PRKN: variants seen among roughly 807,000 people sequenced by gnomAD.
The protein encoded by PRKN is parkin RBR E3 ubiquitin protein ligase, also known as E3 ubiquitin-protein ligase parkin.
A neutral mutation model predicts 59.5 loss-of-function variants in PRKN; 56 were observed. That is an observed-to-expected ratio of 0.94 (90% confidence interval 0.76 to 1.18). PRKN has a LOEUF of 1.18. PRKN is among the 50% of genes most tolerant of loss of function. The pLI is 0.00. For missense variants in PRKN, 657 were observed against 596.4 expected (o/e 1.10, Z -1.06); for synonymous variants, 250 against 222.1 (o/e 1.13, Z -1.12).
chr6:162,380,397 C>CTATA (rs5881472), intron 2 of PRKN, among the ~76,000 whole-genome samples: 1 of 134,546 alleles, frequency 7.4e-6, no homozygotes, highest in Non-Finnish European at 1.6e-5. Flanking sequence ...TAGTTTAAAG[C>CTATA]TATATATATA....
chr6:161,370,311 A>G (rs564838325), intron 10 of PRKN, among the ~76,000 whole-genome samples: 2 of 151,486 alleles, frequency 1.3e-5, no homozygotes, highest in African/African-American at 4.8e-5. Flanking sequence ...TAGGCTGGGC[A>G]CGGTGGCTCA....
At position 161,550,044 on chromosome 6, in the gene PRKN, T is replaced by C. The variant is rs10945755; in HGVS notation, c.934-1041A>G. ...TACAGAATGCCTTACAAAGCAGGTG[T>C]CTTTAAGCAAATGTCTGAAGGAGAT... On this transcript the variant is annotated intron_variant, in intron 8 of 11. Transcript: ENST00000366898. The surrounding 1 kb of genome is among the most constrained non-coding windows in gnomAD (Gnocchi z 4.0). 0.24 allele frequency among the ~76,000 whole-genome samples: 36,149 copies of C among 152,042 alleles called. 4,537 individuals carry two copies. Among genetic ancestry groups the C allele is most frequent in the East Asian group, 0.48 (2,492 of 5,156 alleles).
At chr6:162,050,567 G>C (rs908188272) in intron 5 of PRKN, among the ~76,000 whole-genome samples, 3 of 151,916 alleles carry the variant, frequency 2.0e-5, no homozygotes, top group Admixed American at 6.6e-5. Context: ...CTAACTTTGA[G>C]GGTTTAATGT....
At chr6:161,696,653 A>G (rs1786035001) in intron 7 of PRKN, among the ~76,000 whole-genome samples, 1 of 152,090 alleles carries the variant, frequency 6.6e-6, no homozygotes, top group Admixed American at 6.6e-5. Context: ...ATGTAGATCT[A>G]GACATATATA....
intron 4 of PRKN, among the ~76,000 whole-genome samples, chr6:162,098,450 G>A (rs1348311768): frequency 1.3e-5 from 2 of 152,272 alleles, no homozygotes; most frequent in East Asian, 3.9e-4. Context: ...CCGTTGGGAT[G>A]CATCAACTGA....
intron 3 of PRKN, among the ~76,000 whole-genome samples, chr6:162,251,811 T>C (rs1279806016): frequency 4.6e-5 from 7 of 152,324 alleles, no homozygotes. Flanking sequence ...TTAAATAATA[T>C]TCTCAACATC....
intron 7 of PRKN, among the ~76,000 whole-genome samples, chr6:161,703,752 A>C (rs1343112985): frequency 6.8e-6 from 1 of 147,830 alleles, no homozygotes; most frequent in Non-Finnish European, 1.5e-5. Context: ...CTAAAGTCCT[A>C]TTTACATAAT....
intron 9 of PRKN, among the ~76,000 whole-genome samples, chr6:161,431,676 G>A (rs952201737): frequency 5.9e-5 from 9 of 151,340 alleles, no homozygotes; most frequent in Non-Finnish European, 7.4e-5. Context: ...GCAATGGCGC[G>A]ATCTTGGCTC....
chr6:161,864,987 C>T (rs141055400), intron 6 of PRKN, among the ~76,000 whole-genome samples: 2 of 152,154 alleles, frequency 1.3e-5, no homozygotes, highest in African/African-American at 2.4e-5. Flanking sequence ...TGCCCAGATC[C>T]GTCAGAGGAA....
Position 161,551,610 on chromosome 6 carries a change from A to C in PRKN, c.934-2607T>G, listed in dbSNP as rs1036013111. 6.6e-6 allele frequency among the ~76,000 whole-genome samples: 1 copy of C among 152,106 alleles called. No homozygotes were observed. Among genetic ancestry groups the C allele is most frequent in the Non-Finnish European group, 1.5e-5 (1 of 68,014 alleles). On this transcript the variant is annotated intron_variant, in intron 8 of 11. Transcript: ENST00000366898. This position sits in a 1 kb window ranked among gnomAD's most constrained non-coding sequence, Gnocchi z 5.2. ...GCTGCCATTGCGGTCTTGAAAAGTC[A>C]TTTCAGTGGAGTCATGGAGCCAAAA... is the stretch of plus-strand genomic sequence containing the variant.
intron 2 of PRKN, among the ~76,000 whole-genome samples, chr6:162,327,301 A>G (rs1325348950): frequency 6.6e-6 from 1 of 152,182 alleles, no homozygotes; most frequent in Admixed American, 6.5e-5. Flanking sequence ...TTAATCCTGC[A>G]GCATAAGTTC....
chr6:162,282,436 C>T (rs1355272054), intron 2 of PRKN, among the ~76,000 whole-genome samples: 1 of 152,078 alleles, frequency 6.6e-6, no homozygotes, highest in Non-Finnish European at 1.5e-5. Flanking sequence ...AATAAAAGTG[C>T]TTATGATAAA....
At chr6:162,400,659 G>A (rs551595324) in intron 2 of PRKN, among the ~76,000 whole-genome samples, 37 of 152,166 alleles carry the variant, frequency 2.4e-4, no homozygotes, top group South Asian at 2.1e-3. Context: ...AGTGCACTTT[G>A]TCCTGACTGT....
At chr6:162,498,322 A>G (rs1026546916) in intron 1 of PRKN, among the ~76,000 whole-genome samples, 14 of 144,684 alleles carry the variant, frequency 9.7e-5, no homozygotes, top group African/African-American at 3.6e-4. Context: ...CACAGGCAAC[A>G]CTCAACATTT....
intron 4 of PRKN, among the ~76,000 whole-genome samples, chr6:162,104,822 G>A (rs74984008): frequency 0.03 from 4,507 of 152,202 alleles, 238 homozygotes; most frequent in African/African-American, 0.1. Flanking sequence ...TAAAGTAAAT[G>A]CAAAATTAAG....
intron 5 of PRKN, among the ~76,000 whole-genome samples, chr6:162,044,019 T>A (rs1013163889): frequency 2.6e-5 from 4 of 152,248 alleles, no homozygotes; most frequent in Admixed American, 1.3e-4. Context: ...CTCATTTGTA[T>A]GTTGTGTTCT....
chr6:161,471,050 G>T lies in PRKN; in HGVS notation c.1083+77804C>A, dbSNP rs1370790419. 2.0e-5 allele frequency among the ~76,000 whole-genome samples: 3 copies of T among 152,198 alleles called. No individual in the cohort carries two copies. Among genetic ancestry groups the T allele is most frequent in the African/African-American group, 4.8e-5 (2 of 41,450 alleles). The stretch of plus-strand genomic sequence containing the variant: ...AGGATAGCATGTATTTTATTTAACA[G>T]CTTGCTAGTGTGATTTAGAATTTTT... On this transcript the variant is annotated intron_variant, in intron 9 of 11. Transcript: ENST00000366898. The surrounding 1 kb of genome is among the most constrained non-coding windows in gnomAD (Gnocchi z 4.5).
intron 9 of PRKN, among the ~76,000 whole-genome samples, chr6:161,453,738 C>T: frequency 8.7e-6 from 1 of 115,138 alleles, no homozygotes; most frequent in Non-Finnish European, 1.9e-5. Context: ...TCCCTCCCTC[C>T]CTTCCTTCCT....
At chr6:161,665,300 A>G (rs1279566543) in intron 7 of PRKN, among the ~76,000 whole-genome samples, 5 of 152,184 alleles carry the variant, frequency 3.3e-5, no homozygotes, top group Non-Finnish European at 7.4e-5. Flanking sequence ...TGTGGCCAGT[A>G]TACAGGTAAC....
Sources: gnomAD v4.1 joint callset for allele counts (sites outside exome capture counted in the v4.1 genomes callset) on GRCh38, gnomAD v4.1.1 for gene constraint, Gnocchi (gnomAD v3.1) non-coding constraint, MANE v1.5 for transcripts, NCBI Gene and HGNC (gene_info 2026-07-23, HGNC 2026-07-21) for gene names.